IMMP1L: variants seen among roughly 807,000 people sequenced by gnomAD.
The protein encoded by IMMP1L is inner mitochondrial membrane peptidase subunit 1, also known as mitochondrial inner membrane protease subunit 1.
IMMP1L carries 24 observed loss-of-function variants against 21.8 expected under a neutral mutation model. The observed-to-expected ratio is 1.10, with a 90% CI of 0.80 to 1.55. The LOEUF (loss-of-function observed/expected upper bound fraction) is 1.55. Among genes scored for constraint, IMMP1L ranks in the 40% most tolerant of loss-of-function variants. The probability of loss-of-function intolerance (pLI) is 0.00; values close to 1 mark genes in which losing one functional copy is unlikely to be tolerated. For missense variants in IMMP1L, 195 were observed against 200.7 expected (o/e 0.97, Z 0.17); for synonymous variants, 46 against 62.8 (o/e 0.73, Z 1.26).
chr11:31,488,823 T>A (rs2133780900), intron 1 of IMMP1L, among the ~76,000 whole-genome samples: 1 of 152,242 alleles, frequency 6.6e-6, no homozygotes, highest in South Asian at 2.1e-4. Flanking sequence ...TGCCTCATAG[T>A]CAATTATAAT....
At chr11:31,482,165 T>C (rs948532900) in intron 1 of IMMP1L, among the ~76,000 whole-genome samples, 3 of 152,084 alleles carry the variant, frequency 2.0e-5, no homozygotes, top group Admixed American at 1.3e-4. Context: ...ACCTCATTTT[T>C]TCTGTCTCCA....
chr11:31,476,759 G>A (rs549414109), intron 1 of IMMP1L, among the ~76,000 whole-genome samples: 1 of 152,138 alleles, frequency 6.6e-6, no homozygotes, highest in Admixed American at 6.5e-5. Flanking sequence ...GTTGCATACT[G>A]TTTGGGTGAC....
At chr11:31,480,775 AAATAAT>A (rs1226194753) in intron 1 of IMMP1L, among the ~76,000 whole-genome samples, 2 of 152,168 alleles carry the variant, frequency 1.3e-5, no homozygotes, top group Admixed American at 1.3e-4. Flanking sequence ...CACAAAAGCA[AAATAAT>A]AATAATAACA....
intron 4 of IMMP1L, among the ~76,000 whole-genome samples, chr11:31,454,973 T>G (rs1368388558): frequency 6.6e-6 from 1 of 152,210 alleles, no homozygotes; most frequent in Non-Finnish European, 1.5e-5. Context: ...CAACCCTTTT[T>G]AAGAAGAGGA....
intron 1 of IMMP1L, among the ~76,000 whole-genome samples, chr11:31,504,264 G>A (rs1224723298): frequency 6.6e-6 from 1 of 152,122 alleles, no homozygotes; most frequent in Non-Finnish European, 1.5e-5. Flanking sequence ...AAAATGAAAA[G>A]GCAAGCTACA....
chr11:31,436,230 TTA>T (rs1436844957), intron 4 of IMMP1L, among the ~76,000 whole-genome samples: 2 of 152,226 alleles, frequency 1.3e-5, no homozygotes, highest in African/African-American at 4.8e-5. Flanking sequence ...TATGCAGTAT[TTA>T]CTTTTATATC....
chr11:31,440,694 A>G (rs1327005442), intron 4 of IMMP1L, among the ~76,000 whole-genome samples: 1 of 152,134 alleles, frequency 6.6e-6, no homozygotes, highest in Non-Finnish European at 1.5e-5. Flanking sequence ...CCCAGCCTTA[A>G]AATACTTTTT....
intron 1 of IMMP1L, among the ~76,000 whole-genome samples, chr11:31,495,332 T>C (rs1955397254): frequency 1.3e-5 from 2 of 152,164 alleles, no homozygotes; most frequent in South Asian, 4.1e-4. Context: ...TCCAAACTGT[T>C]CCAACCTCTG....
At chr11:31,438,530 C>T (rs1308147082) in intron 4 of IMMP1L, among the ~76,000 whole-genome samples, 12 of 152,020 alleles carry the variant, frequency 7.9e-5, no homozygotes. Flanking sequence ...CCAATTCATA[C>T]TTTTTTTCCT....
chr11:31,501,788 TACAA>T (rs1177927894), intron 1 of IMMP1L, among the ~76,000 whole-genome samples: 6 of 127,930 alleles, frequency 4.7e-5, no homozygotes, highest in African/African-American at 1.3e-4. Flanking sequence ...ACCCCATCTC[TACAA>T]ATAAATAAAT....
At chr11:31,492,761 G>C (rs775887533) in intron 1 of IMMP1L, among the ~76,000 whole-genome samples, 89 of 152,152 alleles carry the variant, frequency 5.8e-4, no homozygotes, top group Admixed American at 4.4e-3. Context: ...GGAGAGCTGG[G>C]GGGACAGCTG....
chr11:31,485,486 A>C (rs1266401930), intron 1 of IMMP1L, among the ~76,000 whole-genome samples: 1 of 151,852 alleles, frequency 6.6e-6, no homozygotes, highest in Non-Finnish European at 1.5e-5. Flanking sequence ...GTCTGAGGTT[A>C]TCTCAATATC....
chr11:31,484,338 C>T (rs1321046219), intron 1 of IMMP1L, among the ~76,000 whole-genome samples: 1 of 151,562 alleles, frequency 6.6e-6, no homozygotes, highest in African/African-American at 2.4e-5. Context: ...GGTTTTATTC[C>T]CCTCCCAATT....
At chr11:31,435,735 C>G (rs1953097417) in intron 4 of IMMP1L, among the ~76,000 whole-genome samples, 1 of 152,242 alleles carries the variant, frequency 6.6e-6, no homozygotes, top group East Asian at 1.9e-4. Flanking sequence ...AGCACTCTTT[C>G]AATACTAGGG....
intron 4 of IMMP1L, among the ~76,000 whole-genome samples, chr11:31,449,852 A>G (rs1243631043): frequency 6.6e-6 from 1 of 152,202 alleles, no homozygotes; most frequent in Non-Finnish European, 1.5e-5. Context: ...CTCAGATAAA[A>G]GTAAAAACAT....
chr11:31,491,776 CAGCAGA>C (rs1476325959), intron 1 of IMMP1L, among the ~76,000 whole-genome samples: 4 of 152,164 alleles, frequency 2.6e-5, no homozygotes, highest in African/African-American at 9.7e-5. Flanking sequence ...TCAACCTTTT[CAGCAGA>C]AGCTAGAAAC....
chr11:31,435,359 A>C (rs752783010), intron 4 of IMMP1L, among the ~76,000 whole-genome samples: 1 of 152,116 alleles, frequency 6.6e-6, no homozygotes, highest in Non-Finnish European at 1.5e-5. Flanking sequence ...GGGGCCCTAC[A>C]TTATAACCTT....
intron 1 of IMMP1L, among the ~76,000 whole-genome samples, chr11:31,478,326 A>T (rs1954788679): frequency 6.6e-6 from 1 of 152,216 alleles, no homozygotes; most frequent in Non-Finnish European, 1.5e-5. Context: ...TTTTATTGAC[A>T]GCTCCTGTGA....
chr11:31,463,385 A>T (rs1954219179), intron 1 of IMMP1L, 80 bp from the exon 2 acceptor site: 1 of 1,273,864 alleles, frequency 7.9e-7, no homozygotes. Flanking sequence ...AATATTTTAC[A>T]ATCACCCAAA....
Sources: allele counts gnomAD v4.1 joint callset (sites outside exome capture counted in the v4.1 genomes callset), GRCh38; gene constraint gnomAD v4.1.1; transcripts MANE v1.5; gene names NCBI Gene and HGNC (gene_info 2026-07-23, HGNC 2026-07-21).